Variants in GABPB2 observed in about 807,000 individuals in gnomAD.
GABPB2 encodes GA binding protein transcription factor subunit beta 2.
In GABPB2, 23 loss-of-function variants were observed where a neutral mutation model predicts 39.1. The observed-to-expected ratio is 0.59, with a 90% CI of 0.42 to 0.83. The LOEUF (loss-of-function observed/expected upper bound fraction) is 0.83, where lower values mean the gene tolerates loss of function less well. GABPB2 is among the 40% of genes least tolerant of loss of function. The pLI, the probability that GABPB2 is intolerant of heterozygous loss-of-function variation, is 0.00. For missense variants in GABPB2, 467 were observed against 541.1 expected (o/e 0.86, Z 1.36); for synonymous variants, 184 against 199.3 (o/e 0.92, Z 0.65).
At chr1:151,074,353 C>CTGG (rs1676982870) in intron 1 of GABPB2, among the ~76,000 whole-genome samples, 1 of 150,330 alleles carries the variant, frequency 6.7e-6, no homozygotes, top group Admixed American at 6.7e-5. Context: ...CTCTGTCGCC[C>CTGG]AGGCTGGAGT....
intron 4 of GABPB2, among the ~76,000 whole-genome samples, chr1:151,094,272 G>A (rs913226086): frequency 1.8e-4 from 28 of 151,734 alleles, no homozygotes; most frequent in African/African-American, 5.8e-4. Flanking sequence ...GGCTGGTCTC[G>A]AACTCCTAAC....
At chr1:151,095,731 G>T (rs1558142823) in intron 4 of GABPB2, among the ~76,000 whole-genome samples, 1 of 152,184 alleles carries the variant, frequency 6.6e-6, no homozygotes, top group East Asian at 1.9e-4. Context: ...AAGGAAAAGG[G>T]CAAATTCAAG....
At chr1:151,077,418 G>A (rs1315057360) in intron 1 of GABPB2, among the ~76,000 whole-genome samples, 1 of 148,280 alleles carries the variant, frequency 6.7e-6, no homozygotes, top group Non-Finnish European at 1.5e-5. Flanking sequence ...GTGCAGTGGC[G>A]CAATCTCGGC....
chr1:151,074,194 C>T (rs1676962924), intron 1 of GABPB2, among the ~76,000 whole-genome samples: 1 of 151,224 alleles, frequency 6.6e-6, no homozygotes, highest in Admixed American at 6.6e-5. Context: ...CCAAGATGGT[C>T]TCGATCTCCT....
chr1:151,107,367 G>C, intron 7 of GABPB2, 145 bp downstream of exon 7: 115 of 423,554 alleles, frequency 2.7e-4, no homozygotes, highest in East Asian at 2.9e-4. Flanking sequence ...AAAAGAAAAA[G>C]AAACGGAACC....
At chr1:151,091,470 A>C (rs1219651718) in intron 3 of GABPB2, among the ~76,000 whole-genome samples, 2,666 of 130,384 alleles carry the variant, frequency 0.02, 203 homozygotes, top group South Asian at 0.051. Context: ...TGTCTCAAAA[A>C]AAAAAAAAAA....
At chr1:151,085,022 A>G (rs1333245552) in intron 1 of GABPB2, among the ~76,000 whole-genome samples, 1 of 151,174 alleles carries the variant, frequency 6.6e-6, no homozygotes, top group Non-Finnish European at 1.5e-5. Flanking sequence ...GCTTGAGCCT[A>G]AGTGGTCAAA....
At chr1:151,074,327 T>TC (rs978100751) in intron 1 of GABPB2, among the ~76,000 whole-genome samples, 4 of 137,766 alleles carry the variant, frequency 2.9e-5, no homozygotes, top group Non-Finnish European at 4.7e-5. Context: ...TTTTTTTTTT[T>TC]CCAGACGGAG....
chr1:151,125,438 A>G lies in GABPB2; in HGVS notation c.*7182A>G, dbSNP rs1572010315. On this transcript the variant is annotated 3_prime_UTR_variant, in exon 9 of 9. Transcript: ENST00000368918. ...AGCAAGTTTGTGTGTATATGTGTGT[A>G]TGAGCATTTGTATGTATATATACTT... The G allele has an allele frequency of 6.6e-6, 1 of 152,270 alleles. No homozygotes were observed. The allele number at this position is 152,270 out of a possible 1,614,324, so 9.4% of individuals were successfully genotyped here. A position where few individuals can be genotyped will look rare whatever the true frequency, so the allele number is the denominator to read the frequency against.
chr1:151,110,970 GT>G (rs1158869928), intron 7 of GABPB2, among the ~76,000 whole-genome samples: 1 of 152,062 alleles, frequency 6.6e-6, no homozygotes, highest in African/African-American at 2.4e-5. Context: ...TAAATCTTCT[GT>G]TTTTTTGTTT....
rs113264875 is a variant in GABPB2 at position 151,074,310 on chromosome 1, C to CT, written c.-1+3393dup. 1.8e-3 allele frequency among the ~76,000 whole-genome samples: 187 copies of CT among 105,820 alleles called. 1 individual carries two copies. The highest frequency in any genetic ancestry group is 3.1e-3 in the South Asian group (10 of 3,256). The allele number at this position is 105,820 out of a possible 152,430, so 69.4% of individuals were successfully genotyped here. A position where few individuals can be genotyped will look rare whatever the true frequency, so the allele number is the denominator to read the frequency against. ...TGATTGTATGCTAAACATGCTTCCG[C>CT]TTTTTTTTTTTTTTTTTCCAGACGG... is the stretch of plus-strand genomic sequence containing the variant. On this transcript the variant is annotated intron_variant, in intron 1 of 8. Coordinates refer to ENST00000368918, the MANE Select transcript of GABPB2 (RefSeq NM_144618.3).
intron 1 of GABPB2, among the ~76,000 whole-genome samples, chr1:151,074,690 G>A (rs766503976): frequency 6.6e-6 from 1 of 152,202 alleles, no homozygotes; most frequent in East Asian, 1.9e-4. Flanking sequence ...CCATGGCATG[G>A]CACTGGTGGG....
chr1:151,100,143 CTTTTTT>C, intron 5 of GABPB2, among the ~76,000 whole-genome samples: 1 of 138,858 alleles, frequency 7.2e-6, no homozygotes, highest in East Asian at 2.0e-4. Flanking sequence ...ATTAAAACAA[CTTTTTT>C]TTTTTTTTTT....
chr1:151,075,883 C>A (rs1677133926), intron 1 of GABPB2, among the ~76,000 whole-genome samples: 1 of 152,070 alleles, frequency 6.6e-6, no homozygotes, highest in Non-Finnish European at 1.5e-5. Context: ...TATTAGAGAA[C>A]CCTTAATCCT....
chr1:151,111,070 G>A (rs184725242), intron 7 of GABPB2, among the ~76,000 whole-genome samples: 11 of 152,022 alleles, frequency 7.2e-5, no homozygotes, highest in Non-Finnish European at 1.3e-4. Context: ...GCTTGAGGTC[G>A]GGATTTCAAG....
intron 6 of GABPB2, among the ~76,000 whole-genome samples, chr1:151,104,167 C>T (rs1272468709): frequency 2.0e-5 from 3 of 152,110 alleles, no homozygotes; most frequent in Non-Finnish European, 2.9e-5. Flanking sequence ...AGGAGTTGAG[C>T]AAATATAGGC....
rs1553266329 is a variant in GABPB2, at chr1:151,104,775, C to CTCTTTCTT, written c.736+1122_736+1129dup. ...TATCTGTGACTCTTTCTTTCTTTCTCTCTTTCTTTCTTTCTTTCTTTCTTT... is the reference window on the plus strand; with the variant it reads ...TATCTGTGACTCTTTCTTTCTTTCTCTCTTTCTTTCTTTCTTTCTTTCTTTCTTTCTTT... On this transcript the variant is annotated intron_variant, in intron 6 of 8. Transcript: ENST00000368918. Among the ~76,000 whole-genome samples the CTCTTTCTT allele has an allele frequency of 2.1e-4, 11 of 53,522 alleles. 1 individual carries two copies. Among genetic ancestry groups the CTCTTTCTT allele is most frequent in the African/African-American group, 3.3e-4 (8 of 24,560 alleles). The allele number at this position is 53,522 out of a possible 152,430, so 35.1% of individuals were successfully genotyped here.
chr1:151,108,199 C>G (rs975516330), intron 7 of GABPB2, among the ~76,000 whole-genome samples: 1 of 151,848 alleles, frequency 6.6e-6, no homozygotes, highest in Non-Finnish European at 1.5e-5. Flanking sequence ...AGATGGAGTT[C>G]CTCTTTGTTG....
intron 1 of GABPB2, among the ~76,000 whole-genome samples, chr1:151,073,367 A>T (rs1676880454): frequency 6.6e-6 from 1 of 152,156 alleles, no homozygotes; most frequent in South Asian, 2.1e-4. Context: ...TGTATAGGGA[A>T]AGTGGAGGTA....
Sources: gnomAD v4.1 joint callset for allele counts (sites outside exome capture counted in the v4.1 genomes callset) on GRCh38, gnomAD v4.1.1 for gene constraint, MANE v1.5 for transcripts, NCBI Gene and HGNC (gene_info 2026-07-23, HGNC 2026-07-21) for gene names.